The following BTK variants were observed in gnomAD, a reference collection of about 807,000 sequenced individuals.
BTK encodes tyrosine-protein kinase BTK.
A neutral mutation model predicts 57.4 loss-of-function variants in BTK; 5 were observed. The observed-to-expected ratio is 0.09, with a 90% CI of 0.05 to 0.18. The LOEUF is 0.18. Among genes scored for constraint, BTK ranks in the 10% least tolerant of loss-of-function variants. The probability of loss-of-function intolerance (pLI) is 1.00; values close to 1 mark genes in which losing one functional copy is unlikely to be tolerated. For synonymous variants in BTK, 154 were observed against 174.3 expected, an observed-to-expected ratio of 0.88 and a Z score of 0.92; for missense variants, 194 against 501.2, an observed-to-expected ratio of 0.39 and a Z score of 5.85.
At chrX:101,374,752 TGGGG>T in intron 2 of BTK, 118 bp from the exon 3 acceptor site, 3 of 632,479 alleles carry the variant, frequency 4.7e-6, no homozygotes, top group Admixed American at 5.2e-5. Context: ...ACCTGTCATG[TGGGG>T]GAAGAAAAAA....
At chrX:101,354,505 G>T in intron 16 of BTK, 125 bp downstream of exon 16, 1 of 717,708 alleles carries the variant, frequency 1.4e-6, no homozygotes, top group Non-Finnish European at 2.2e-6. Flanking sequence ...AGAATAGAAA[G>T]ATCGGCAGAA....
At chrX:101,357,030 G>T in intron 13 of BTK, 75 bp from the exon 14 acceptor site, 1 of 1,105,540 alleles carries the variant, frequency 9.0e-7, no homozygotes, top group Non-Finnish European at 1.2e-6. Context: ...AATCCCTACT[G>T]GGGTAGAAAT....
In BTK at chrX:101,376,237, A is replaced by G. The variant is rs578072340; in HGVS notation, c.-30-923T>C. Among the ~76,000 whole-genome samples, 19 of 112,441 alleles carry G rather than the reference A, an allele frequency of 1.7e-4. No homozygotes were observed. The South Asian group carries it at 3.3e-3, about 19-fold the overall frequency. The stretch of plus-strand genomic sequence containing the variant: ...TTTTATTCACACCAAGCAACACTTC[A>G]TATCAGTTATTCACTTACAGTTTAT... On this transcript the variant is annotated intron_variant, in intron 1 of 18. Transcript: ENST00000308731.
chrX:101,350,749 C>T (rs986774315), intron 18 of BTK, among the ~76,000 whole-genome samples: 30 of 110,414 alleles, frequency 2.7e-4, no homozygotes, highest in South Asian at 3.8e-4. Flanking sequence ...GCCCGGCCTA[C>T]GACTAAGGTT....
chrX:101,358,707 GA>G lies in BTK; in HGVS notation c.895-12del, dbSNP rs781816620. ...ACCTCCTTCTTTCCCCTGAAACAAC[GA>G]AAAAGAAGCTGTCTGTAGGAGGAAG... is the stretch of plus-strand genomic sequence containing the variant. On this transcript the variant is annotated splice_polypyrimidine_tract_variant and intron_variant, in intron 10 of 18. Coordinates refer to ENST00000308731, the MANE Select transcript of BTK (RefSeq NM_000061.3). 8.4e-7 allele frequency: 1 copy of G among 1,196,968 alleles called. No individual in the cohort carries two copies. The highest frequency in any genetic ancestry group is 1.8e-5 in the South Asian group (1 of 56,587).
At chrX:101,355,643 T>TA (rs1391481916) in intron 15 of BTK, 7 of 150,130 alleles carry the variant, frequency 4.7e-5, no homozygotes, top group South Asian at 4.0e-4. Context: ...TTATATAACA[T>TA]AAAAAAAACC....
chrX:101,352,290 C>T (rs1475162063), intron 18 of BTK, among the ~76,000 whole-genome samples: 2 of 112,049 alleles, frequency 1.8e-5, no homozygotes, highest in Admixed American at 9.5e-5. Flanking sequence ...TTTTGTAATG[C>T]CCATTCACTT....
intron 5 of BTK, among the ~76,000 whole-genome samples, chrX:101,365,777 C>T (rs1555979356): frequency 8.9e-6 from 1 of 111,767 alleles, no homozygotes; most frequent in African/African-American, 3.3e-5. Context: ...TTTGAATTTG[C>T]AATTAGGATA....
intron 1 of BTK, among the ~76,000 whole-genome samples, chrX:101,376,508 T>A (rs1555981071): frequency 9.0e-6 from 1 of 111,125 alleles, no homozygotes; most frequent in African/African-American, 3.3e-5. Context: ...ATGCCTGTAA[T>A]CCCAGCTACT....
At chrX:101,368,679 T>G (rs1850322445) in intron 5 of BTK, among the ~76,000 whole-genome samples, 2 of 112,632 alleles carry the variant, frequency 1.8e-5, no homozygotes, top group African/African-American at 6.5e-5. Context: ...ATTGTTGTTG[T>G]TTTTAGGCCA....
chrX:101,379,573 T>C (rs1927344584), intron 1 of BTK, among the ~76,000 whole-genome samples: 1 of 112,617 alleles, frequency 8.9e-6, no homozygotes, highest in African/African-American at 3.2e-5. Context: ...ATATCATCTA[T>C]AGCCCTTGCT....
In BTK at chrX:101,360,035, T is replaced by G. The variant is rs2746110; in HGVS notation, c.839+53A>C. The G allele has an allele frequency of 0.23, 113,906 of 500,884 alleles. 9,910 individuals are homozygous for G. Among genetic ancestry groups the G allele is most frequent in the East Asian group, 0.36 (7,920 of 22,249 alleles). 41.3% of individuals were successfully genotyped at this position (500,884 alleles called of 1,213,427 possible). ...ATAAATAAATAAATATATATATATATAGAGAGAGAGAGTTCCTCCTGGAAG... is the reference window on the plus strand; with the variant it reads ...ATAAATAAATAAATATATATATATAGAGAGAGAGAGAGTTCCTCCTGGAAG... On this transcript the variant is annotated intron_variant, in intron 9 of 18. Transcript: ENST00000308731.
intron 1 of BTK, 118 bp from the exon 2 acceptor site, chrX:101,375,432 A>C: frequency 6.9e-6 from 5 of 721,726 alleles, no homozygotes; most frequent in Non-Finnish European, 1.1e-5. Context: ...TCACAAAATA[A>C]TTTCTTCCTA....
intron 15 of BTK, among the ~76,000 whole-genome samples, chrX:101,355,315 AGAAGG>A (rs1926434423): frequency 8.9e-6 from 1 of 112,143 alleles, no homozygotes; most frequent in Non-Finnish European, 1.9e-5. Flanking sequence ...CAAAAAACAA[AGAAGG>A]GAGAATGAGA....
intron 14 of BTK, 83 bp from the exon 15 acceptor site, chrX:101,356,351 T>A: frequency 1.2e-6 from 1 of 823,524 alleles, no homozygotes. Flanking sequence ...GGGGCTGACC[T>A]AGGAGTAGAG....
intron 15 of BTK, among the ~76,000 whole-genome samples, chrX:101,355,412 G>T (rs186283844): frequency 2.7e-5 from 3 of 111,984 alleles, no homozygotes; most frequent in East Asian, 5.6e-4. Flanking sequence ...AAACAGGGGC[G>T]CAAACTCTGA....
rs145801251 is a variant in BTK, at chrX:101,370,812, T to C, written c.310-733A>G. 1.8e-4 allele frequency among the ~76,000 whole-genome samples: 20 copies of C among 112,518 alleles called. 1 individual carries two copies. In the East Asian group the frequency reaches 5.6e-3, roughly 31 times the overall value. On this transcript the variant is annotated intron_variant, in intron 4 of 18. Coordinates refer to ENST00000308731, the MANE Select transcript of BTK (RefSeq NM_000061.3). Reference sequence around the variant, plus strand: ...AGTCAAATATAAATTAATTTAAAATTATCTGCTGTTCAGCATTGTTCACTA... The same window carrying C: ...AGTCAAATATAAATTAATTTAAAATCATCTGCTGTTCAGCATTGTTCACTA...
intron 18 of BTK, among the ~76,000 whole-genome samples, chrX:101,351,993 C>T (rs913108054): frequency 9.1e-6 from 1 of 109,570 alleles, no homozygotes. Flanking sequence ...GAAACCCTGT[C>T]TCTACTAAAA....
intron 15 of BTK, 124 bp from the exon 16 acceptor site, chrX:101,354,818 C>T: frequency 3.0e-6 from 2 of 663,735 alleles, no homozygotes; most frequent in South Asian, 4.5e-5. Context: ...AGACACCTTC[C>T]CACCTAATAG....
Sources: gnomAD v4.1 joint callset for allele counts (sites outside exome capture counted in the v4.1 genomes callset) on GRCh38, gnomAD v4.1.1 for gene constraint, MANE v1.5 for transcripts, NCBI Gene and HGNC (gene_info 2026-07-23, HGNC 2026-07-21) for gene names.